Variants in PODN observed in about 807,000 individuals in gnomAD.
The protein encoded by PODN is podocan proteoglycan.
Under a neutral mutation model 52.7 loss-of-function variants are expected in PODN, and 40 were observed. The observed-to-expected ratio is 0.76, with a 90% CI of 0.59 to 0.99. PODN has a LOEUF of 0.99. Among genes scored for constraint, PODN ranks in the 50% least tolerant of loss-of-function variants. PODN has a pLI of 0.00. For synonymous variants in PODN, 396 were observed against 377.9 expected, an observed-to-expected ratio of 1.05 and a Z score of -0.56; for missense variants, 720 against 815.1, an observed-to-expected ratio of 0.88 and a Z score of 1.42.
chr1:53,080,610 C>G (rs1158531475), intron 8 of PODN, 118 bp from the exon 9 acceptor site: 2 of 1,095,622 alleles, frequency 1.8e-6, no homozygotes, highest in Non-Finnish European at 2.6e-6. Flanking sequence ...GACACCCCCC[C>G]TCCTCCACAC....
intron 7 of PODN, among the ~76,000 whole-genome samples, chr1:53,078,058 C>T (rs543651005): frequency 4.6e-5 from 7 of 152,314 alleles, no homozygotes; most frequent in East Asian, 1.9e-4. Context: ...AATACAGACT[C>T]GGGCATTCTT....
chr1:53,066,880 G>T (rs1040094889), intron 1 of PODN: 2 of 1,547,352 alleles, frequency 1.3e-6, no homozygotes, highest in Non-Finnish European at 1.7e-6. Flanking sequence ...ATGTGCACAG[G>T]ATATGTGAGA....
At chr1:53,079,251 G>C (rs1644249319) in intron 8 of PODN, among the ~76,000 whole-genome samples, 1 of 152,218 alleles carries the variant, frequency 6.6e-6, no homozygotes, top group African/African-American at 2.4e-5. Flanking sequence ...GGTGTGGCTG[G>C]CATGCCAGGG....
rs373469809 is a variant in PODN at position 53,062,236 on chromosome 1, C to T, written c.-128C>T. On this transcript the variant is annotated 5_prime_UTR_variant, in exon 1 of 11. Transcript: ENST00000312553. ...TTGACTTGAATGGAAGGAGCCCGAG[C>T]CCGCGGAGCGCAGCTGAGACTGGGG... is the stretch of plus-strand genomic sequence containing the variant. 5.5e-6 allele frequency: 7 copies of T among 1,274,606 alleles called. No homozygotes were observed. The African/African-American group carries it at 1.1e-4, about 19-fold the overall frequency. The allele number at this position is 1,274,606 out of a possible 1,614,324, so 79.0% of individuals were successfully genotyped here.
intron 5 of PODN, 93 bp from the exon 6 acceptor site, chr1:53,077,097 A>G: frequency 6.8e-7 from 1 of 1,468,124 alleles, no homozygotes. Context: ...ATGGAAGGAG[A>G]GCAGCCTGGG....
At chr1:53,071,890 A>G (rs1427766512) in intron 3 of PODN, among the ~76,000 whole-genome samples, 4 of 152,040 alleles carry the variant, frequency 2.6e-5, no homozygotes, top group Non-Finnish European at 5.9e-5. Context: ...TAATAACAAT[A>G]CATATACCAT....
intron 4 of PODN, 73 bp downstream of exon 4, chr1:53,074,743 C>G (rs1644170273): frequency 6.6e-7 from 1 of 1,522,426 alleles, no homozygotes; most frequent in South Asian, 1.1e-5. Context: ...GTTCCATGAA[C>G]TTTCACCAGG....
chr1:53,071,649 C>T (rs756285878), intron 3 of PODN, 21 bp downstream of exon 3: 1 of 1,600,172 alleles, frequency 6.2e-7, no homozygotes. Flanking sequence ...ACCCAGAGCC[C>T]AGGGTCAGGG....
At chr1:53,081,762 C>T (rs1644298906) in intron 9 of PODN, among the ~76,000 whole-genome samples, 1 of 152,218 alleles carries the variant, frequency 6.6e-6, no homozygotes, top group African/African-American at 2.4e-5. Context: ...TTTGCAGAGA[C>T]TGGCCCAGAG....
rs1268553855 is a variant in PODN at position 53,077,182 on chromosome 1, A to T, written c.582-8A>T. ...CAGGTGGGTGAGGACCTGTGCCTTG[A>T]CCCCCAGGTCTGTGTACCTGCACAA... is the stretch of plus-strand genomic sequence containing the variant. On this transcript the variant is annotated splice_region_variant and splice_polypyrimidine_tract_variant and intron_variant, in intron 5 of 10. Transcript: ENST00000312553. The T allele has an allele frequency of 3.1e-6, 5 of 1,612,596 alleles. No homozygotes were observed. In the African/African-American group the frequency reaches 5.3e-5, roughly 17 times the overall value.
At chr1:53,063,579 C>G in intron 1 of PODN, 1 of 985,544 alleles carries the variant, frequency 1.0e-6, no homozygotes, top group Non-Finnish European at 1.2e-6. Flanking sequence ...TCAGAAGAGC[C>G]CGTGGACTGC....
At chr1:53,073,474 G>A (rs1336747004) in intron 3 of PODN, 7 of 152,220 alleles carry the variant, frequency 4.6e-5, no homozygotes, top group South Asian at 2.1e-4. Flanking sequence ...CACCCCAGGC[G>A]GGTGTTTCTA....
At chr1:53,081,376 A>T (rs1644292894) in intron 9 of PODN, among the ~76,000 whole-genome samples, 1 of 152,200 alleles carries the variant, frequency 6.6e-6, no homozygotes, top group African/African-American at 2.4e-5. Flanking sequence ...CCTGCCCCCA[A>T]ATCAGAGAGA....
rs752277022 is a variant in PODN at position 53,071,530 on chromosome 1, C to T, written c.313-5C>T. 6.2e-7 allele frequency: 1 copy of T among 1,612,906 alleles called. No homozygotes were observed. Among genetic ancestry groups the T allele is most frequent in the Non-Finnish European group, 8.5e-7 (1 of 1,179,350 alleles). On this transcript the variant is annotated splice_region_variant and splice_polypyrimidine_tract_variant and intron_variant, in intron 2 of 10. Coordinates refer to ENST00000312553, the MANE Select transcript of PODN (RefSeq NM_153703.5). ...CTGCTTCCTTGCGGCCCCCTACCCC[C>T]CTAGAACAACCAGCTGGAAAAGATC...
chr1:53,062,456 C>T (rs1343117505), intron 1 of PODN, 148 bp downstream of exon 1: 10 of 553,428 alleles, frequency 1.8e-5, no homozygotes, highest in Non-Finnish European at 2.7e-5. Context: ...ACCCTGCACC[C>T]AGGGCACGGC....
intron 1 of PODN, among the ~76,000 whole-genome samples, chr1:53,063,168 G>A (rs1440084621): frequency 2.0e-5 from 3 of 152,230 alleles, no homozygotes; most frequent in African/African-American, 7.2e-5. Context: ...GGGGCTGCGA[G>A]GCTCCTGGCA....
At chr1:53,065,695 C>T (rs555765175) in intron 1 of PODN, among the ~76,000 whole-genome samples, 1 of 152,344 alleles carries the variant, frequency 6.6e-6, no homozygotes, top group South Asian at 2.1e-4. Flanking sequence ...ACTCCCTAAC[C>T]TGCCCTTCAT....
intron 1 of PODN, among the ~76,000 whole-genome samples, chr1:53,069,086 A>G (rs1247615289): frequency 6.6e-6 from 1 of 152,132 alleles, no homozygotes; most frequent in Non-Finnish European, 1.5e-5. Context: ...TCTCTGTGGG[A>G]AGAAGATACC....
intron 2 of PODN, 76 bp from the exon 3 acceptor site, chr1:53,071,459 C>A: frequency 8.1e-7 from 1 of 1,227,890 alleles, no homozygotes; most frequent in Non-Finnish European, 1.1e-6. Context: ...AGGACTGGAG[C>A]TATGGGTAGG....
Sources: gnomAD v4.1 joint callset for allele counts (sites outside exome capture counted in the v4.1 genomes callset) on GRCh38, gnomAD v4.1.1 for gene constraint, MANE v1.5 for transcripts, NCBI Gene and HGNC (gene_info 2026-07-23, HGNC 2026-07-21) for gene names.